The following VIPR1 variants were observed in gnomAD, a reference collection of about 807,000 sequenced individuals.
VIPR1 encodes the protein vasoactive intestinal polypeptide receptor 1.
In VIPR1, 59 loss-of-function variants were observed where a neutral mutation model predicts 58.8. The ratio of observed to expected loss-of-function variants is 1.00; its 90% CI spans 0.81 to 1.25. VIPR1 has a LOEUF of 1.25. Among genes scored for constraint, VIPR1 ranks in the 50% most tolerant of loss-of-function variants. The pLI is 0.00. For synonymous variants in VIPR1, 251 were observed against 242.1 expected, an observed-to-expected ratio of 1.04 and a Z score of -0.34; for missense variants, 626 against 602.7, an observed-to-expected ratio of 1.04 and a Z score of -0.40.
chr3:42,535,090 G>T lies in VIPR1; in HGVS notation c.1126G>T (p.Val376Leu), dbSNP rs766844110. 2 of 1,614,230 alleles carry T rather than the reference G, an allele frequency of 1.2e-6. No homozygotes were observed. Among genetic ancestry groups the T allele is most frequent in the South Asian group, 1.1e-5 (1 of 91,092 alleles). The change falls in exon 11 of 13, where the codon GTG (valine) becomes TTG (leucine). Residue 376 changes from valine to leucine, a missense_variant. Coordinates refer to ENST00000325123, the MANE Select transcript of VIPR1 (RefSeq NM_004624.4). The part of the protein sequence containing the change: ...PEVKMVFELV[V>L]GSFQGFVVAI... ...AGTGAAGATGGTCTTTGAGCTCGTC[G>T]TGGGGTCTTTCCAGGTATGGGCTGT...
At chr3:42,531,238 T>G in intron 7 of VIPR1, 1 of 614,776 alleles carries the variant, frequency 1.6e-6, no homozygotes, top group Non-Finnish European at 2.9e-6. Flanking sequence ...CTGTCACAAT[T>G]AGAAAGAGAA....
intron 1 of VIPR1, 152 bp downstream of exon 1, chr3:42,502,965 G>A (rs1457592660): frequency 8.8e-6 from 5 of 568,000 alleles, no homozygotes; most frequent in East Asian, 7.2e-5. Flanking sequence ...TCCTCCCACC[G>A]CTCCAGACCG....
intron 1 of VIPR1, chr3:42,506,631 G>C (rs1048083850): frequency 6.6e-6 from 1 of 151,926 alleles, no homozygotes; most frequent in Non-Finnish European, 1.5e-5. Flanking sequence ...AGGTTTAAGC[G>C]ATTCTTCTGG....
chr3:42,531,956 C>T, intron 9 of VIPR1, 87 bp downstream of exon 9: 1 of 1,484,844 alleles, frequency 6.7e-7, no homozygotes. Context: ...AAATTAGTAT[C>T]TAGGTCAGAA....
chr3:42,491,562 T>TTTTG lies in VIPR1; in HGVS notation c.-245+1900_-245+1903dup, dbSNP rs538150752. Reference sequence around the variant, plus strand: ...TATTTTGAAGCTTTCTTTCTTTATTTTTTGTTTGTTTGTTTGTTTTTTGTT... The same window carrying TTTTG: ...TATTTTGAAGCTTTCTTTCTTTATTTTTTGTTTGTTTGTTTGTTTGTTTTTTGTT... On this transcript the variant is annotated intron_variant, in intron 1 of 13. Transcript: ENST00000433647. Among the ~76,000 whole-genome samples, 47 of 148,126 alleles carry TTTTG rather than the reference T, an allele frequency of 3.2e-4. No individual in the cohort carries two copies. The East Asian group carries it at 7.8e-3, about 25-fold the overall frequency.
At chr3:42,532,143 C>A in intron 9 of VIPR1, 99 bp from the exon 10 acceptor site, 1 of 1,235,672 alleles carries the variant, frequency 8.1e-7, no homozygotes, top group Non-Finnish European at 1.2e-6. Flanking sequence ...GAGAGAGGGG[C>A]AGCAGGACCC....
At position 42,527,426 on chromosome 3, in the gene VIPR1, G is replaced by A. The variant is rs753148130; in HGVS notation, c.433G>A (p.Gly145Ser). Residue 145 changes from glycine to serine, a missense_variant, in exon 5 of 13, where the codon GGC becomes AGC. Transcript: ENST00000325123. Reference protein sequence around the residue: ...QTMFYGSVKTGYTIGYGLSLA... With the variant: ...QTMFYGSVKTSYTIGYGLSLA... Reference sequence around the variant, plus strand: ...CATGTTCTACGGTTCTGTGAAGACCGGCTACACCATTGGCTACGGCCTGTC... The same window carrying A: ...CATGTTCTACGGTTCTGTGAAGACCAGCTACACCATTGGCTACGGCCTGTC... The A allele has an allele frequency of 2.6e-5, 42 of 1,613,440 alleles. No homozygotes were observed. The highest frequency in any genetic ancestry group is 8.9e-5 in the East Asian group (4 of 44,864).
chr3:42,510,859 GC>G (rs747077467), intron 1 of VIPR1, among the ~76,000 whole-genome samples: 6 of 152,086 alleles, frequency 3.9e-5, no homozygotes, highest in Non-Finnish European at 8.8e-5. Flanking sequence ...GGCAGAGTTG[GC>G]TGGAGAAGTT....
At chr3:42,527,857 C>A (rs1701316445) in intron 5 of VIPR1, 134 bp from the exon 6 acceptor site, 1 of 1,277,490 alleles carries the variant, frequency 7.8e-7, no homozygotes, top group Non-Finnish European at 1.1e-6. Context: ...GGATGGGATC[C>A]CCTTTGAGGC....
intron 1 of VIPR1, among the ~76,000 whole-genome samples, chr3:42,497,595 G>A (rs879257349): frequency 2.0e-5 from 3 of 152,150 alleles, no homozygotes; most frequent in Non-Finnish European, 4.4e-5. Flanking sequence ...CGGTTTGGCT[G>A]TGTCGCCACC....
intron 4 of VIPR1, 129 bp downstream of exon 4, chr3:42,526,122 T>G: frequency 2.3e-6 from 2 of 860,188 alleles, no homozygotes; most frequent in Non-Finnish European, 3.6e-6. Flanking sequence ...TGCCCTCCTC[T>G]AGCCTCCTCC....
chr3:42,502,269 AG>A, upstream of VIPR1: 1 of 153,072 alleles, frequency 6.5e-6, no homozygotes, highest in Admixed American at 6.5e-5. Context: ...CTCCTGGAGG[AG>A]GTGGCTCCGA....
rs536400016 is a variant in VIPR1, at chr3:42,535,294, G to C, written c.1141-49G>C. 8.1e-5 allele frequency: 130 copies of C among 1,610,884 alleles called. No individual in the cohort carries two copies. The South Asian group carries it at 1.4e-3, about 17-fold the overall frequency. ...TGGAGCCAGGGGTGGGGCAGGGCTG[G>C]GGGCTTCTGGTCTGTCTACCTCACC... On this transcript the variant is annotated intron_variant, in intron 11 of 12. Transcript: ENST00000325123.
In VIPR1 at chr3:42,523,353, C is replaced by G. The variant is rs1363838295; in HGVS notation, c.293-2534C>G. ...AGATGACCCATTGTCCCCTCCCCTC[C>G]TCTCCTTCACCATCTATGGCAGCCA... On this transcript the variant is annotated intron_variant, in intron 3 of 12. Coordinates refer to ENST00000325123, the MANE Select transcript of VIPR1 (RefSeq NM_004624.4). 2.6e-5 allele frequency among the ~76,000 whole-genome samples: 4 copies of G among 152,126 alleles called. No individual in the cohort carries two copies. The East Asian group carries it at 7.7e-4, about 29-fold the overall frequency.
At chr3:42,501,802 G>A (rs1267167794), upstream of VIPR1, 1 of 152,410 alleles carries the variant, frequency 6.6e-6, no homozygotes, top group African/African-American at 2.4e-5. This position sits in a 1 kb window ranked among gnomAD's most constrained non-coding sequence, Gnocchi z 4.8. Context: ...GTCAGCTGCG[G>A]AGTCGGCCTG....
Position 42,531,502 on chromosome 3 carries a change from C to A in VIPR1, c.822C>A (p.Thr274=), listed in dbSNP as rs375367533. The A allele has an allele frequency of 7.5e-6, 12 of 1,593,722 alleles. No homozygotes were observed. In the African/African-American group the frequency reaches 1.5e-4, roughly 20 times the overall value. The change falls in exon 8 of 13, where the codon ACC becomes ACA. Residue 274 remains threonine, a synonymous_variant. Transcript: ENST00000325123. The part of the protein sequence containing the change: ...GVPSTFTMVW[T]IARIHFEDYG... ...CCAGCACATTCACCATGGTGTGGAC[C>A]ATCGCCAGGATCCATTTTGAGGATT... is the stretch of plus-strand genomic sequence containing the variant.
rs765982037 is a variant in VIPR1 at position 42,517,312 on chromosome 3, A to AGCTGG, written c.185-1897_185-1893dup. Among the ~76,000 whole-genome samples, 76 of 152,300 alleles carry AGCTGG rather than the reference A, an allele frequency of 5.0e-4. 1 individual carries two copies. The highest frequency in any genetic ancestry group is 7.8e-4 in the Admixed American group (12 of 15,298). On this transcript the variant is annotated intron_variant, in intron 2 of 12. Transcript: ENST00000325123. ...GGGAACTTGTGAACCTTCGGACCTG[A>AGCTGG]GCTGGGCTGGGCTGGGCTTGGCCCA... is the stretch of plus-strand genomic sequence containing the variant.
At chr3:42,499,577 AC>A (rs376205156), upstream of VIPR1, among the ~76,000 whole-genome samples, 433 of 151,400 alleles carry the variant, frequency 2.9e-3, 1 homozygote, top group Middle Eastern at 6.8e-3. Context: ...TTCAGAACAG[AC>A]CCCCCCAGGG....
At chr3:42,531,981 C>T in intron 9 of VIPR1, 112 bp downstream of exon 9, 1 of 1,267,638 alleles carries the variant, frequency 7.9e-7, no homozygotes, top group South Asian at 1.3e-5. Flanking sequence ...AACGTAGCTT[C>T]CTAATGCCCA....
Sources: gnomAD v4.1 joint callset for allele counts (sites outside exome capture counted in the v4.1 genomes callset) on GRCh38, gnomAD v4.1.1 for gene constraint, Gnocchi (gnomAD v3.1) non-coding constraint, MANE v1.5 for transcripts, NCBI Gene and HGNC (gene_info 2026-07-23, HGNC 2026-07-21) for gene names.